The following RTTN variants were observed in gnomAD, a reference collection of about 807,000 sequenced individuals.
RTTN encodes rotatin.
A neutral mutation model predicts 269.2 loss-of-function variants in RTTN; 182 were observed. The ratio of observed to expected loss-of-function variants is 0.68; its 90% CI spans 0.60 to 0.76. The LOEUF is 0.76. Among genes scored for constraint, RTTN ranks in the 30% least tolerant of loss-of-function variants. The pLI, the probability that RTTN is intolerant of heterozygous loss-of-function variation, is 0.00. For synonymous variants in RTTN, 1,006 were observed against 963.5 expected (o/e 1.04, Z -0.82); for missense variants, 2,545 against 2,608.6 (o/e 0.98, Z 0.53).
intron 25 of RTTN, among the ~76,000 whole-genome samples, chr18:70,127,181 G>C (rs1353431003): frequency 6.6e-6 from 1 of 152,140 alleles, no homozygotes; most frequent in Non-Finnish European, 1.5e-5. Context: ...TCAATTCACT[G>C]ATGTCTCAAC....
Position 70,114,451 on chromosome 18 carries a change from G to A in RTTN, c.3677C>T (p.Thr1226Ile). 1 of 1,612,822 alleles carries A rather than the reference G, an allele frequency of 6.2e-7. No homozygotes were observed. The highest frequency in any genetic ancestry group is 8.5e-7 in the Non-Finnish European group (1 of 1,179,316). Residue 1226 changes from threonine (T) to isoleucine (I), a missense_variant, in exon 27 of 49, where the codon ACT (threonine) becomes ATT (isoleucine). Transcript: ENST00000640769. ...DTLLLNFMEVTDRKCSELLYV... is the reference protein window; with the variant it reads ...DTLLLNFMEVIDRKCSELLYV... ...GCAATATTACAAATGGTACCTGTCA[G>A]TAACTTCCATGAAATTGAGCAGCAA...
chr18:70,166,228 T>A lies in RTTN; in HGVS notation c.1803-40A>T, dbSNP rs1051970715. 3 of 1,605,670 alleles carry A rather than the reference T, an allele frequency of 1.9e-6. No homozygotes were observed. The African/African-American group carries it at 4.0e-5, about 21-fold the overall frequency. On this transcript the variant is annotated intron_variant, in intron 13 of 48. Transcript: ENST00000640769. The stretch of plus-strand genomic sequence containing the variant: ...AAACAACCAAGACATGTGAGGCAAG[T>A]AAGTTAGTAAGCAAAAGACTGCAAA...
intron 35 of RTTN, 136 bp from the exon 36 acceptor site, chr18:70,060,178 T>C (rs1374636628): frequency 2.2e-5 from 18 of 801,820 alleles, no homozygotes; most frequent in Non-Finnish European, 3.0e-5. Flanking sequence ...TCTTGGCTCA[T>C]CTTAACCTTG....
intron 32 of RTTN, among the ~76,000 whole-genome samples, chr18:70,083,517 G>A (rs1411929672): frequency 2.0e-5 from 3 of 151,830 alleles, no homozygotes; most frequent in East Asian, 3.9e-4. Context: ...ATGCAAATAT[G>A]GAAAATAACC....
intron 22 of RTTN, 95 bp from the exon 23 acceptor site, chr18:70,134,636 T>C (rs2060078736): frequency 1.3e-6 from 1 of 774,674 alleles, no homozygotes; most frequent in South Asian, 1.6e-5. Flanking sequence ...TGACTGCAAA[T>C]GAAATCAAGC....
Position 70,201,945 on chromosome 18 carries a change from G to A in RTTN, c.436C>T (p.Pro146Ser), listed in dbSNP as rs1330231795. ...KNPEILTGYF[P>S]QDKSNFQQME... ...TGCTGGAAATTACTTTTGTCTTGGG[G>A]AAAATATCCTGTTAAGATTTCAGGG... The change falls in exon 4 of 49, where the codon CCC (proline) becomes TCC (serine). Residue 146 changes from proline (P) to serine (S), a missense_variant. Physicochemically the swap from Pro to Ser is moderately conservative, Grantham distance 74 (BLOSUM62 -1). Transcript: ENST00000640769. The A allele has an allele frequency of 2.5e-6, 4 of 1,611,466 alleles. No homozygotes were observed. Among genetic ancestry groups the A allele is most frequent in the African/African-American group, 1.3e-5 (1 of 74,852 alleles).
chr18:70,116,972 T>C (rs1192508581), intron 26 of RTTN, among the ~76,000 whole-genome samples: 2 of 150,302 alleles, frequency 1.3e-5, no homozygotes, highest in African/African-American at 4.9e-5. Flanking sequence ...TAGGTTACTA[T>C]AAACAAAATA....
intron 11 of RTTN, among the ~76,000 whole-genome samples, chr18:70,170,210 G>C (rs527349550): frequency 5.3e-5 from 8 of 152,200 alleles, no homozygotes; most frequent in African/African-American, 1.9e-4. Flanking sequence ...ATATTAATTA[G>C]GCCTTACTAT....
chr18:70,175,049 A>ACC (rs1396675784), intron 11 of RTTN, among the ~76,000 whole-genome samples: 2 of 149,362 alleles, frequency 1.3e-5, no homozygotes, highest in Non-Finnish European at 3.0e-5. Context: ...CAAAACCAAA[A>ACC]AAAAAAAAAA....
chr18:70,074,170 T>G (rs1409712581), intron 33 of RTTN, among the ~76,000 whole-genome samples, 176 bp from the exon 34 acceptor site: 1 of 152,096 alleles, frequency 6.6e-6, no homozygotes, highest in African/African-American at 2.4e-5. Context: ...GGAGAGTTTT[T>G]TTTTAATGTG....
At chr18:70,084,185 AG>A (rs2058643253) in intron 32 of RTTN, among the ~76,000 whole-genome samples, 1 of 152,020 alleles carries the variant, frequency 6.6e-6, no homozygotes, top group Non-Finnish European at 1.5e-5. Context: ...TTTAGACTGC[AG>A]GCAGGAAAAC....
chr18:70,128,297 TTAAC>T, intron 24 of RTTN, 57 bp downstream of exon 24: 1 of 1,412,300 alleles, frequency 7.1e-7, no homozygotes, highest in Non-Finnish European at 9.7e-7. Flanking sequence ...AAAGTAAAAC[TTAAC>T]TAATTAATTA....
Position 70,103,274 on chromosome 18 carries a change from G to A in RTTN, c.3903+6224C>T, listed in dbSNP as rs140082403. ...CAGCTCTGAAGAGACAGCGACCATC[G>A]AGAACGGGCCATGATGACTATGGCA... On this transcript the variant is annotated intron_variant, in intron 28 of 48. Transcript: ENST00000640769. Among the ~76,000 whole-genome samples, 780 of 152,248 alleles carry A rather than the reference G, an allele frequency of 5.1e-3. 8 individuals carry two copies. Among genetic ancestry groups the A allele is most frequent in the African/African-American group, 0.018 (732 of 41,544 alleles).
chr18:70,053,010 A>T (rs11877144), intron 38 of RTTN, among the ~76,000 whole-genome samples: 2,956 of 152,320 alleles, frequency 0.019, 96 homozygotes, highest in African/African-American at 0.066. Context: ...AAAAGCATTC[A>T]CAAGGCAGCC....
intron 34 of RTTN, among the ~76,000 whole-genome samples, chr18:70,067,752 AGAATAGGTACCT>A (rs2058182252): frequency 6.6e-6 from 1 of 152,220 alleles, no homozygotes; most frequent in Non-Finnish European, 1.5e-5. Flanking sequence ...TGATATAAAT[AGAATAGGTACCT>A]GGTTTGCGGT....
chr18:70,088,534 A>C (rs1166121574), intron 30 of RTTN, among the ~76,000 whole-genome samples: 1 of 152,164 alleles, frequency 6.6e-6, no homozygotes, highest in Non-Finnish European at 1.5e-5. Flanking sequence ...CTTCCAAATA[A>C]ATGATTTTAA....
At chr18:70,056,447 A>G (rs2057819029) in intron 37 of RTTN, among the ~76,000 whole-genome samples, 1 of 152,216 alleles carries the variant, frequency 6.6e-6, no homozygotes, top group South Asian at 2.1e-4. Flanking sequence ...ATGAATTAAC[A>G]AAAACAAATG....
Position 70,054,304 on chromosome 18 carries a change from G to A in RTTN, c.5032-20C>T, listed in dbSNP as rs200438852. ...GGAAACCTGTTTGAAAAGGAGACAG[G>A]GTCAAATCAAACATGCCATATAAAA... On this transcript the variant is annotated intron_variant, in intron 37 of 48. Transcript: ENST00000640769. The A allele has an allele frequency of 1.9e-6, 3 of 1,584,208 alleles. No homozygotes were observed. The highest frequency in any genetic ancestry group is 1.8e-5 in the Admixed American group (1 of 56,328).
intron 35 of RTTN, among the ~76,000 whole-genome samples, chr18:70,062,672 G>A (rs1266421138): frequency 6.8e-6 from 1 of 147,806 alleles, no homozygotes; most frequent in African/African-American, 2.5e-5. Context: ...CTGGAGTCTG[G>A]TGCAATCATG....
Sources: allele counts gnomAD v4.1 joint callset (sites outside exome capture counted in the v4.1 genomes callset), GRCh38; gene constraint gnomAD v4.1.1; transcripts MANE v1.5; gene names NCBI Gene and HGNC (gene_info 2026-07-23, HGNC 2026-07-21).